The following KCNT1 variants were observed in gnomAD, a reference collection of about 807,000 sequenced individuals.
KCNT1 encodes the protein potassium sodium-activated channel subfamily T member 1.
KCNT1 carries 78 observed loss-of-function variants against 147.8 expected under a neutral mutation model. The ratio of observed to expected loss-of-function variants is 0.53; its 90% CI spans 0.44 to 0.64. The LOEUF (loss-of-function observed/expected upper bound fraction) is 0.64. KCNT1 is among the 30% of genes least tolerant of loss of function. The pLI is 0.00. For missense variants in KCNT1, 1,419 were observed against 1,750.3 expected (o/e 0.81, Z 3.38); for synonymous variants, 867 against 748.8 (o/e 1.16, Z -2.58).
rs572435458 is a variant in KCNT1, at chr9:135,785,041, C to A, written c.3156+152C>A. ...TCAGTGTCAGGGACCTGGGCTAGAT[C>A]AGCTTTGCTATTGCTGGCAGCTCCT... On this transcript the variant is annotated intron_variant, in intron 27 of 30. Transcript: ENST00000371757. 2.9e-5 allele frequency: 38 copies of A among 1,312,412 alleles called. No individual in the cohort carries two copies. The East Asian group carries it at 8.6e-4, about 30-fold the overall frequency. The allele number at this position is 1,312,412 out of a possible 1,614,324, so 81.3% of individuals were successfully genotyped here. A position where few individuals can be genotyped will look rare whatever the true frequency, so the allele number is the denominator to read the frequency against.
At chr9:135,774,657 G>A (rs1391810256) in intron 19 of KCNT1, among the ~76,000 whole-genome samples, 1 of 151,972 alleles carries the variant, frequency 6.6e-6, no homozygotes, top group African/African-American at 2.4e-5. Context: ...GGTGTGTGGT[G>A]TGTATGTTAT....
At chr9:135,751,621 G>A (rs1831177732) in intron 4 of KCNT1, among the ~76,000 whole-genome samples, 2 of 152,208 alleles carry the variant, frequency 1.3e-5, no homozygotes, top group African/African-American at 4.8e-5. Flanking sequence ...GTCCTGTTCT[G>A]TCTCCTTCTG....
intron 12 of KCNT1, among the ~76,000 whole-genome samples, 181 bp downstream of exon 12, chr9:135,765,376 C>T (rs897446456): frequency 6.6e-6 from 1 of 151,496 alleles, no homozygotes; most frequent in African/African-American, 2.4e-5. Flanking sequence ...GACTGCCATC[C>T]TCTCCCCAGG....
chr9:135,755,107 C>G lies in KCNT1; in HGVS notation c.492-14C>G. ...CTGTGGTGCCCTACTGTGCTGCCTCCTTTCTCTTCCCAGGGCTCCTATTCT... is the reference window on the plus strand; with the variant it reads ...CTGTGGTGCCCTACTGTGCTGCCTCGTTTCTCTTCCCAGGGCTCCTATTCT... On this transcript the variant is annotated splice_polypyrimidine_tract_variant and intron_variant, in intron 5 of 30. Transcript: ENST00000371757. The G allele has an allele frequency of 6.2e-7, 1 of 1,607,418 alleles. No homozygotes were observed. The highest frequency in any genetic ancestry group is 8.5e-7 in the Non-Finnish European group (1 of 1,176,926).
chr9:135,731,603 C>T (rs747794919), intron 2 of KCNT1, among the ~76,000 whole-genome samples: 2 of 152,126 alleles, frequency 1.3e-5, no homozygotes, highest in East Asian at 1.9e-4. Flanking sequence ...CGTTCTCTCA[C>T]GTTCCTTTGC....
chr9:135,718,516 G>A (rs1237745601), intron 2 of KCNT1, among the ~76,000 whole-genome samples: 5 of 152,210 alleles, frequency 3.3e-5, no homozygotes, highest in African/African-American at 4.8e-5. Context: ...AGGGACCATC[G>A]TGGTGGCCTT....
At chr9:135,760,849 C>A (rs1462220015) in intron 11 of KCNT1, among the ~76,000 whole-genome samples, 3 of 152,234 alleles carry the variant, frequency 2.0e-5, no homozygotes, top group Non-Finnish European at 4.4e-5. Flanking sequence ...CGTCCAGTGC[C>A]ACGAGTCCCG....
intron 2 of KCNT1, among the ~76,000 whole-genome samples, chr9:135,722,634 G>A (rs1835969318): frequency 6.6e-6 from 1 of 152,248 alleles, no homozygotes; most frequent in Non-Finnish European, 1.5e-5. Context: ...TTATTTCTCA[G>A]TTCTGGAGGC....
At chr9:135,734,171 G>T (rs373400421) in intron 2 of KCNT1, among the ~76,000 whole-genome samples, 3 of 152,172 alleles carry the variant, frequency 2.0e-5, no homozygotes, top group African/African-American at 7.2e-5. Context: ...TGAGTTTCCA[G>T]GATGTCTGCC....
chr9:135,726,041 G>A (rs904635570), intron 2 of KCNT1, among the ~76,000 whole-genome samples: 1 of 152,138 alleles, frequency 6.6e-6, no homozygotes, highest in Non-Finnish European at 1.5e-5. Flanking sequence ...AGGAGGAGGG[G>A]CCTGTCAGGG....
At chr9:135,777,857 C>T (rs994759653) in intron 21 of KCNT1, among the ~76,000 whole-genome samples, 1 of 151,404 alleles carries the variant, frequency 6.6e-6, no homozygotes, top group African/African-American at 2.4e-5. Context: ...CTCTCCATTC[C>T]CAGCTCCTCC....
intron 24 of KCNT1, among the ~76,000 whole-genome samples, chr9:135,783,339 AC>A (rs1349093464): frequency 6.6e-6 from 1 of 152,232 alleles, no homozygotes; most frequent in Non-Finnish European, 1.5e-5. Context: ...AGAGGGAGCC[AC>A]AAGCCAAGGC....
In KCNT1 at chr9:135,730,839, A is replaced by C. The variant is rs1001685002; in HGVS notation, c.254+16119A>C. Among the ~76,000 whole-genome samples the C allele has an allele frequency of 1.3e-5, 2 of 151,926 alleles. No individual in the cohort carries two copies. Among genetic ancestry groups the C allele is most frequent in the African/African-American group, 4.8e-5 (2 of 41,354 alleles). The stretch of plus-strand genomic sequence containing the variant: ...TGTCTCTACAAAAAATACAAAACTT[A>C]GCCGAGCATGGTGGTGCATGCCTGT... On this transcript the variant is annotated intron_variant, in intron 2 of 30. Coordinates refer to ENST00000371757, the MANE Select transcript of KCNT1 (RefSeq NM_020822.3). The surrounding 1 kb of genome is among the most constrained non-coding windows in gnomAD (Gnocchi z 4.7).
intron 2 of KCNT1, among the ~76,000 whole-genome samples, chr9:135,720,224 C>T (rs116936640): frequency 1.2e-3 from 178 of 151,998 alleles, no homozygotes; most frequent in South Asian, 2.5e-3. Context: ...ATCCAGCTGC[C>T]CCGCAGGGAC....
chr9:135,746,463 G>A (rs780657026), intron 2 of KCNT1, among the ~76,000 whole-genome samples: 3 of 152,218 alleles, frequency 2.0e-5, no homozygotes, highest in South Asian at 2.1e-4. Context: ...AGCAGCCCTC[G>A]ACCCCACGGT....
rs1044487630 is a variant in KCNT1 at position 135,765,089 on chromosome 9, G to A, written c.1094G>A (p.Arg365His). The change falls in exon 12 of 31, where the codon CGC (arginine) becomes CAC (histidine). Residue 365 changes from arginine (R) to histidine (H), a missense_variant. Coordinates refer to ENST00000371757, the MANE Select transcript of KCNT1 (RefSeq NM_020822.3). The part of the protein sequence containing the change: ...ERQKSGGNYS[R>H]HRAQTEKHVV... Reference sequence around the variant, plus strand: ...CAGAAGTCAGGGGGCAACTACAGCCGCCACCGTGCGCAGACGGAGAAGCAC... The same window carrying A: ...CAGAAGTCAGGGGGCAACTACAGCCACCACCGTGCGCAGACGGAGAAGCAC... 13 of 1,613,206 alleles carry A rather than the reference G, an allele frequency of 8.1e-6. No homozygotes were observed. The highest frequency in any genetic ancestry group is 2.2e-5 in the East Asian group (1 of 44,882).
intron 4 of KCNT1, among the ~76,000 whole-genome samples, chr9:135,753,036 G>A (rs1327949244): frequency 7.2e-6 from 1 of 138,150 alleles, no homozygotes; most frequent in East Asian, 2.0e-4. Flanking sequence ...ATGGACAGAT[G>A]AGTAGATAGA....
In KCNT1 at chr9:135,770,026, C is replaced by T. The variant is rs1364401108; in HGVS notation, c.1590C>T (p.Ile530=). 2 of 1,553,970 alleles carry T rather than the reference C, an allele frequency of 1.3e-6. No individual in the cohort carries two copies. Among genetic ancestry groups the T allele is most frequent in the Non-Finnish European group, 1.7e-6 (2 of 1,149,062 alleles). Residue 530 remains isoleucine (I), a synonymous_variant, in exon 16 of 31, where the codon ATC becomes ATT. Transcript: ENST00000371757. ...NCICPATSTL[I]TLLVHTSRGQ... is the part of the protein sequence containing the mutation. ...TCTGCCCGGCGACCTCCACCCTCAT[C>T]ACCCTGCTGGTGCACACGTCCCGCG...
At chr9:135,765,859 G>A in intron 13 of KCNT1, 99 bp downstream of exon 13, 1 of 1,099,354 alleles carries the variant, frequency 9.1e-7, no homozygotes, top group African/African-American at 1.5e-5. Context: ...CCTGGCCAAT[G>A]AGAGCCATGA....
Sources: gnomAD v4.1 joint callset for allele counts (sites outside exome capture counted in the v4.1 genomes callset) on GRCh38, gnomAD v4.1.1 for gene constraint, Gnocchi (gnomAD v3.1) non-coding constraint, MANE v1.5 for transcripts, NCBI Gene and HGNC (gene_info 2026-07-23, HGNC 2026-07-21) for gene names.